The following FAM13B variants were observed in gnomAD, a reference collection of about 807,000 sequenced individuals.
FAM13B encodes protein FAM13B.
FAM13B carries 60 observed loss-of-function variants against 117.3 expected under a neutral mutation model. The ratio of observed to expected loss-of-function variants is 0.51; its 90% CI spans 0.42 to 0.63. The LOEUF is 0.63. Ranked by LOEUF, FAM13B falls within the 30% of genes least tolerant of loss-of-function variation. The pLI is 0.00. For missense variants in FAM13B, 972 were observed against 1,091.9 expected (o/e 0.89, Z 1.55); for synonymous variants, 332 against 356.1 (o/e 0.93, Z 0.76).
At chr5:138,028,368 C>T (rs1194760749) in intron 1 of FAM13B, among the ~76,000 whole-genome samples, 1 of 152,074 alleles carries the variant, frequency 6.6e-6, no homozygotes, top group Non-Finnish European at 1.5e-5. Flanking sequence ...CTCGTTAATA[C>T]GAAACTACAA....
At chr5:138,006,617 T>A (rs1231002255) in intron 7 of FAM13B, among the ~76,000 whole-genome samples, 1 of 152,186 alleles carries the variant, frequency 6.6e-6, no homozygotes, top group African/African-American at 2.4e-5. Flanking sequence ...CAGAGTTCCA[T>A]CCTTACAGCC....
intron 14 of FAM13B, among the ~76,000 whole-genome samples, chr5:137,955,778 C>A (rs1766347229): frequency 6.6e-6 from 1 of 152,030 alleles, no homozygotes; most frequent in Non-Finnish European, 1.5e-5. Flanking sequence ...GTTACAGGCG[C>A]CTGCTACCAT....
intron 17 of FAM13B, among the ~76,000 whole-genome samples, chr5:137,951,677 TA>T (rs1443305836): frequency 6.6e-6 from 1 of 151,932 alleles, no homozygotes. Flanking sequence ...AAAAAATATA[TA>T]TTTTTTTATT....
intron 17 of FAM13B, 94 bp from the exon 18 acceptor site, chr5:137,949,278 T>C (rs148884869): frequency 4.5e-6 from 4 of 884,114 alleles, no homozygotes; most frequent in Admixed American, 2.0e-5. Context: ...AAAGTATACA[T>C]TAACAGCACA....
intron 13 of FAM13B, among the ~76,000 whole-genome samples, chr5:137,959,337 A>C (rs1767475792): frequency 6.6e-6 from 1 of 152,206 alleles, no homozygotes; most frequent in African/African-American, 2.4e-5. Context: ...ATATTAACAA[A>C]AACGTATGCT....
At chr5:138,015,443 C>G (rs1785019946) in intron 4 of FAM13B, among the ~76,000 whole-genome samples, 1 of 152,218 alleles carries the variant, frequency 6.6e-6, no homozygotes, top group Non-Finnish European at 1.5e-5. Flanking sequence ...TGGCTCATGC[C>G]TGTAATTCCA....
Position 137,975,980 on chromosome 5 carries a change from C to CTTTTTTTTTTTTTTTTT in FAM13B, c.1179+9276_1179+9277insAAAAAAAAAAAAAAAAA, listed in dbSNP as rs57478594. 3.0e-3 allele frequency among the ~76,000 whole-genome samples: 333 copies of CTTTTTTTTTTTTTTTTT among 110,146 alleles called. 35 individuals are homozygous for CTTTTTTTTTTTTTTTTT. The highest frequency in any genetic ancestry group is 0.011 in the African/African-American group (293 of 27,034). The allele number at this position is 110,146 out of a possible 152,430, so 72.3% of individuals were successfully genotyped here. Reference sequence around the variant, plus strand: ...CCACAACCAGACTGCTCAACTCTTCCTTTTTTTTTTTTTTTGAGACAGTCT... The same window carrying CTTTTTTTTTTTTTTTTT: ...CCACAACCAGACTGCTCAACTCTTCCTTTTTTTTTTTTTTTTTTTTTTTTTTTTTTTTGAGACAGTCT... On this transcript the variant is annotated intron_variant, in intron 10 of 23. Coordinates refer to ENST00000689681, the MANE Select transcript of FAM13B (RefSeq NM_001385994.1).
chr5:138,022,705 G>A (rs1024047308), intron 1 of FAM13B, among the ~76,000 whole-genome samples: 3 of 152,124 alleles, frequency 2.0e-5, no homozygotes, highest in Non-Finnish European at 4.4e-5. Flanking sequence ...CATAAAGGGG[G>A]ATTTGCTTGA....
At chr5:138,046,239 G>A (rs972640928) in intron 1 of FAM13B, among the ~76,000 whole-genome samples, 3 of 152,176 alleles carry the variant, frequency 2.0e-5, no homozygotes, top group Non-Finnish European at 4.4e-5. Flanking sequence ...CAGGCACGTG[G>A]AACTGTTAAG....
intron 17 of FAM13B, among the ~76,000 whole-genome samples, chr5:137,951,846 G>A (rs971345800): frequency 1.6e-4 from 24 of 151,510 alleles, no homozygotes; most frequent in Admixed American, 2.6e-4. Flanking sequence ...GCTTGGTGGC[G>A]TGCACCTGTA....
intron 10 of FAM13B, among the ~76,000 whole-genome samples, chr5:137,975,377 A>G (rs1246468691): frequency 6.6e-6 from 1 of 152,220 alleles, no homozygotes; most frequent in African/African-American, 2.4e-5. Flanking sequence ...GGTCTAGTTT[A>G]TGACCAGCTT....
At chr5:138,011,432 T>G (rs536587039) in intron 5 of FAM13B, among the ~76,000 whole-genome samples, 4 of 152,106 alleles carry the variant, frequency 2.6e-5, no homozygotes, top group Non-Finnish European at 4.4e-5. Flanking sequence ...CTTTTTTTTT[T>G]TTATGAGATG....
intron 17 of FAM13B, among the ~76,000 whole-genome samples, chr5:137,949,987 A>C (rs1429272446): frequency 1.3e-5 from 2 of 152,060 alleles, no homozygotes. Context: ...ACAACAACAA[A>C]AAAAGAGAGA....
rs533037248 is a variant in FAM13B, at chr5:137,970,476, G to T, written c.1180-8007C>A. ...CTGAAGGAAGCGCTAAACATGGAAAGGAACAACCGGTACCAGCCACTGCAA... is the reference window on the plus strand; with the variant it reads ...CTGAAGGAAGCGCTAAACATGGAAATGAACAACCGGTACCAGCCACTGCAA... On this transcript the variant is annotated intron_variant, in intron 10 of 23. Transcript: ENST00000689681. 2.3e-3 allele frequency among the ~76,000 whole-genome samples: 357 copies of T among 152,078 alleles called. 2 individuals carry two copies. The highest frequency in any genetic ancestry group is 8.3e-3 in the African/African-American group (343 of 41,474).
At chr5:138,011,412 T>C (rs1783967688) in intron 5 of FAM13B, among the ~76,000 whole-genome samples, 1 of 152,092 alleles carries the variant, frequency 6.6e-6, no homozygotes, top group East Asian at 1.9e-4. Context: ...ATTTCACATA[T>C]CTAATTTTTC....
At chr5:137,982,479 G>A (rs961538102) in intron 10 of FAM13B, among the ~76,000 whole-genome samples, 2 of 152,082 alleles carry the variant, frequency 1.3e-5, no homozygotes, top group African/African-American at 2.4e-5. Context: ...CTGAGATTGT[G>A]CCACTGCTCC....
At chr5:138,037,611 T>C (rs528596635), upstream of FAM13B, among the ~76,000 whole-genome samples, 35 of 152,198 alleles carry the variant, frequency 2.3e-4, no homozygotes, top group South Asian at 6.2e-4. Flanking sequence ...AATTCATCTC[T>C]TCCAGATGTA....
chr5:137,977,225 G>A (rs190908424), intron 10 of FAM13B, among the ~76,000 whole-genome samples: 65 of 152,156 alleles, frequency 4.3e-4, no homozygotes, highest in African/African-American at 1.3e-3. Context: ...TGGTCAGACC[G>A]GTTGCTCTCA....
At position 137,938,741 on chromosome 5, in the gene FAM13B, T is replaced by C. The variant is rs1010246016; in HGVS notation, c.*1484A>G. ...ATCAAACTACTTCATGTGCTTACTA[T>C]GTAATAGTGCCAGAAGTCTGAGGTT... On this transcript the variant is annotated 3_prime_UTR_variant, in exon 24 of 24. Transcript: ENST00000689681. The C allele has an allele frequency of 1.3e-5, 2 of 152,412 alleles. No individual in the cohort carries two copies. The highest frequency in any genetic ancestry group is 2.9e-5 in the Non-Finnish European group (2 of 68,020). 9.4% of individuals were successfully genotyped at this position (152,412 alleles called of 1,614,324 possible). A position where few individuals can be genotyped will look rare whatever the true frequency, so the allele number is the denominator to read the frequency against.
Sources: gnomAD v4.1 joint callset for allele counts (sites outside exome capture counted in the v4.1 genomes callset) on GRCh38, gnomAD v4.1.1 for gene constraint, MANE v1.5 for transcripts, NCBI Gene and HGNC (gene_info 2026-07-23, HGNC 2026-07-21) for gene names.